The following CYSLTR2 variants were observed in gnomAD, a reference collection of about 807,000 sequenced individuals.
The protein encoded by CYSLTR2 is cysteinyl leukotriene receptor 2, also known as G-protein coupled receptor GPCR21.
For missense variants in CYSLTR2, 398 were observed against 411.9 expected (o/e 0.97, Z 0.29); for synonymous variants, 179 against 160.8 (o/e 1.11, Z -0.86).
At chr13:48,669,801 G>T (rs528258613) in intron 1 of CYSLTR2, among the ~76,000 whole-genome samples, 3 of 152,332 alleles carry the variant, frequency 2.0e-5, no homozygotes, top group African/African-American at 7.2e-5. Context: ...CCAGTAATGG[G>T]ATTGCTGGAT....
intron 1 of CYSLTR2, among the ~76,000 whole-genome samples, chr13:48,671,837 G>A (rs555243428): frequency 6.6e-6 from 1 of 152,102 alleles, no homozygotes; most frequent in East Asian, 1.9e-4. Context: ...TTTTGGAACA[G>A]TTTCAGAAGG....
chr13:48,666,823 G>A (rs953043872), intron 1 of CYSLTR2, among the ~76,000 whole-genome samples: 6 of 151,812 alleles, frequency 4.0e-5, no homozygotes, highest in Non-Finnish European at 8.8e-5. Context: ...TCATTGAATT[G>A]TCTATCTGTA....
intron 1 of CYSLTR2, among the ~76,000 whole-genome samples, chr13:48,687,385 TGATA>T (rs1647924339): frequency 6.6e-6 from 1 of 151,052 alleles, no homozygotes; most frequent in Non-Finnish European, 1.5e-5. Flanking sequence ...TGTAGATGAT[TGATA>T]GATGATAATT....
chr13:48,687,010 T>C (rs573261103), intron 1 of CYSLTR2, among the ~76,000 whole-genome samples: 285 of 152,268 alleles, frequency 1.9e-3, no homozygotes, highest in African/African-American at 6.7e-3. Context: ...ACTGTCTAAT[T>C]GGCTTGGGGC....
At chr13:48,658,551 G>A (rs2138800582) in intron 1 of CYSLTR2, among the ~76,000 whole-genome samples, 1 of 152,326 alleles carries the variant, frequency 6.6e-6, no homozygotes, top group African/African-American at 2.4e-5. Context: ...GGTAGGGATA[G>A]ACAGGAGACA....
intron 1 of CYSLTR2, among the ~76,000 whole-genome samples, chr13:48,664,036 G>A (rs1005119132): frequency 6.6e-6 from 1 of 152,030 alleles, no homozygotes; most frequent in South Asian, 2.1e-4. Context: ...CTATCATGAA[G>A]TGAGCTTAAA....
chr13:48,692,463 G>A (rs1954063478), intron 2 of CYSLTR2, among the ~76,000 whole-genome samples: 1 of 151,360 alleles, frequency 6.6e-6, no homozygotes, highest in Non-Finnish European at 1.5e-5. Context: ...TATGCATTTA[G>A]GCATACACAG....
intron 1 of CYSLTR2, among the ~76,000 whole-genome samples, chr13:48,658,226 G>C (rs568668473): frequency 2.6e-5 from 4 of 152,272 alleles, no homozygotes; most frequent in Admixed American, 2.6e-4. Context: ...GGTACCCTCT[G>C]TGGCTGCCTT....
chr13:48,654,300 TGTGTGA>T (rs1337423724), intron 1 of CYSLTR2, among the ~76,000 whole-genome samples: 1,551 of 54,364 alleles, frequency 0.029, 16 homozygotes, highest in African/African-American at 0.12. Context: ...TGTGTGTGTG[TGTGTGA>T]GTGTGTGTGT....
intron 1 of CYSLTR2, among the ~76,000 whole-genome samples, chr13:48,671,634 A>T (rs990053109): frequency 5.9e-5 from 9 of 152,168 alleles, no homozygotes; most frequent in Non-Finnish European, 1.3e-4. Flanking sequence ...AGCCAACTTG[A>T]TCGTGGTGGA....
chr13:48,674,320 T>C (rs529922589), intron 1 of CYSLTR2, among the ~76,000 whole-genome samples: 1 of 152,312 alleles, frequency 6.6e-6, no homozygotes, highest in Non-Finnish European at 1.5e-5. Context: ...GTTTGTTCCT[T>C]TTCATTATTT....
chr13:48,705,269 A>G (rs1374083698), intron 4 of CYSLTR2, among the ~76,000 whole-genome samples: 2 of 152,026 alleles, frequency 1.3e-5, no homozygotes, highest in African/African-American at 4.8e-5. Flanking sequence ...AATAACATGC[A>G]TTTTTCCATC....
At position 48,698,096 on chromosome 13, in the gene CYSLTR2, T is replaced by C. The variant is rs139619603; in HGVS notation, c.-2+1470T>C. ...AATGGAACCAAGTTGGAAAACACTCTTCAGGATATTATCCAGGAGAACTTC... is the reference window on the plus strand; with the variant it reads ...AATGGAACCAAGTTGGAAAACACTCCTCAGGATATTATCCAGGAGAACTTC... On this transcript the variant is annotated intron_variant, in intron 4 of 4. Coordinates refer to ENST00000682523, the MANE Select transcript of CYSLTR2 (RefSeq NM_001308476.3). Among the ~76,000 whole-genome samples, 794 of 152,284 alleles carry C rather than the reference T, an allele frequency of 5.2e-3. 6 individuals are homozygous for C. Among genetic ancestry groups the C allele is most frequent in the African/African-American group, 0.018 (745 of 41,556 alleles).
At position 48,707,772 on chromosome 13, in the gene CYSLTR2, G is replaced by T. The variant is rs1954544276; in HGVS notation, c.955G>T (p.Ala319Ser). 2 of 1,586,830 alleles carry T rather than the reference G, an allele frequency of 1.3e-6. No homozygotes were observed. Among genetic ancestry groups the T allele is most frequent in the East Asian group, 2.2e-5 (1 of 44,638 alleles). ...GENFKDRLKS[A>S]LRKGHPQKAK... ...GAATTTTAAGGACAGACTAAAGTCT[G>T]CACTCAGAAAAGGCCATCCACAGAA... The change falls in exon 5 of 5, where the codon GCA (alanine) becomes TCA (serine). Residue 319 changes from alanine to serine, a missense_variant. Coordinates refer to ENST00000682523, the MANE Select transcript of CYSLTR2 (RefSeq NM_001308476.3).
At chr13:48,654,719 C>A (rs543006735) in intron 1 of CYSLTR2, among the ~76,000 whole-genome samples, 1 of 152,210 alleles carries the variant, frequency 6.6e-6, no homozygotes, top group South Asian at 2.1e-4. Flanking sequence ...GTTTCTCAAC[C>A]CTGGCTGCAC....
At chr13:48,703,546 T>C (rs1954404571) in intron 4 of CYSLTR2, among the ~76,000 whole-genome samples, 1 of 152,220 alleles carries the variant, frequency 6.6e-6, no homozygotes, top group Non-Finnish European at 1.5e-5. Context: ...AATTTTGTCA[T>C]GCACTTTTAA....
chr13:48,696,399 T>C (rs1286407914), intron 3 of CYSLTR2, 127 bp from the exon 4 acceptor site: 1 of 152,238 alleles, frequency 6.6e-6, no homozygotes, highest in Non-Finnish European at 1.5e-5. Context: ...TTTATCATCT[T>C]GACAAGCTCC....
intron 1 of CYSLTR2, among the ~76,000 whole-genome samples, chr13:48,671,570 G>T (rs1165250780): frequency 1.3e-5 from 2 of 152,200 alleles, no homozygotes; most frequent in African/African-American, 4.8e-5. Context: ...TTTATGTGAT[G>T]AATTATGTTT....
chr13:48,695,391 TTC>T (rs144547434), intron 3 of CYSLTR2, among the ~76,000 whole-genome samples: 1 of 138,724 alleles, frequency 7.2e-6, no homozygotes. Context: ...CTTTCTTTCT[TTC>T]TCTCTCTCTC....
Sources: gnomAD v4.1 joint callset for allele counts (sites outside exome capture counted in the v4.1 genomes callset) on GRCh38, gnomAD v4.1.1 for gene constraint, MANE v1.5 for transcripts, NCBI Gene and HGNC (gene_info 2026-07-23, HGNC 2026-07-21) for gene names.